TP63: variants seen among roughly 807,000 people sequenced by gnomAD.
TP63 encodes the protein tumor protein 63.
TP63 carries 17 observed loss-of-function variants against 82.8 expected under a neutral mutation model. The ratio of observed to expected loss-of-function variants is 0.21; its 90% CI spans 0.14 to 0.31. TP63 has a LOEUF of 0.31. Ranked by LOEUF, TP63 falls within the 10% of genes least tolerant of loss-of-function variation. The probability of loss-of-function intolerance (pLI) is 1.00; values close to 1 mark genes in which losing one functional copy is unlikely to be tolerated. For missense variants in TP63, 648 were observed against 895.3 expected, an observed-to-expected ratio of 0.72 and a Z score of 3.52; for synonymous variants, 330 against 321.7, an observed-to-expected ratio of 1.03 and a Z score of -0.28.
intron 3 of TP63, among the ~76,000 whole-genome samples, chr3:189,774,036 C>T (rs1019926129): frequency 6.6e-6 from 1 of 151,492 alleles, no homozygotes; most frequent in African/African-American, 2.4e-5. Flanking sequence ...CATTCTCCTG[C>T]CTCAGCCTCC....
rs750875781 is a variant in TP63 at position 189,864,451 on chromosome 3, C to T, written c.766+33C>T. ...GAATTTGAATCTCTAACTGTTCAACCTCCTTGAAGGTCAAGATTCTGTGGG... is the reference window on the plus strand; with the variant it reads ...GAATTTGAATCTCTAACTGTTCAACTTCCTTGAAGGTCAAGATTCTGTGGG... On this transcript the variant is annotated intron_variant, in intron 5 of 13. Transcript: ENST00000264731. The T allele has an allele frequency of 2.3e-5, 36 of 1,599,022 alleles. No individual in the cohort carries two copies. In the African/African-American group the frequency reaches 4.2e-4, roughly 18 times the overall value.
chr3:189,737,906 T>G (rs760693142), intron 2 of TP63, 38 bp downstream of exon 2: 1 of 1,612,732 alleles, frequency 6.2e-7, no homozygotes, highest in Non-Finnish European at 8.5e-7. Context: ...TTGCTTGAGC[T>G]AAATAGGTAA....
At chr3:189,683,391 TC>T (rs1465924237) in intron 1 of TP63, among the ~76,000 whole-genome samples, 1 of 152,224 alleles carries the variant, frequency 6.6e-6, no homozygotes, top group Non-Finnish European at 1.5e-5. Context: ...CACATGCATT[TC>T]ACTTTGCTGC....
At chr3:189,832,112 G>T (rs546099463) in intron 4 of TP63, among the ~76,000 whole-genome samples, 2 of 152,216 alleles carry the variant, frequency 1.3e-5, no homozygotes, top group Admixed American at 1.3e-4. Context: ...TTACAGGCAT[G>T]ATCCACCACG....
chr3:189,829,289 T>C (rs35828292), intron 4 of TP63, among the ~76,000 whole-genome samples: 1 of 152,234 alleles, frequency 6.6e-6, no homozygotes, highest in South Asian at 2.1e-4. Flanking sequence ...CCTGCTTTCA[T>C]GCCTTGAACA....
intron 1 of TP63, among the ~76,000 whole-genome samples, chr3:189,718,420 C>G (rs895721987): frequency 6.6e-6 from 1 of 150,620 alleles, no homozygotes; most frequent in Non-Finnish European, 1.5e-5. Flanking sequence ...GGAAGGAAGG[C>G]GTGTTTTGCA....
intron 1 of TP63, among the ~76,000 whole-genome samples, chr3:189,662,390 G>A (rs1174628227): frequency 6.6e-6 from 1 of 151,808 alleles, no homozygotes; most frequent in African/African-American, 2.4e-5. Flanking sequence ...AGATCTTCTT[G>A]GTATTGATTT....
intron 3 of TP63, among the ~76,000 whole-genome samples, chr3:189,746,715 A>C (rs1025691925): frequency 6.6e-6 from 1 of 151,636 alleles, no homozygotes; most frequent in Non-Finnish European, 1.5e-5. Context: ...TTCAATCTAA[A>C]TGGAATATAC....
chr3:189,893,290 CT>C (rs1265812044), intron 13 of TP63, among the ~76,000 whole-genome samples: 1 of 152,148 alleles, frequency 6.6e-6, no homozygotes, highest in African/African-American at 2.4e-5. Flanking sequence ...AAAGAAGAAA[CT>C]GAGGCTGGTA....
rs1234021238 is a variant in TP63 at position 189,858,262 on chromosome 3, G to A, written c.580-5970G>A. ...CTACTAAAAATACAAAAAATTAGCC[G>A]GGCGAGGTGGCGGGCGCCTGTAGTC... On this transcript the variant is annotated intron_variant, in intron 4 of 13. Transcript: ENST00000264731. 1.3e-4 allele frequency among the ~76,000 whole-genome samples: 8 copies of A among 61,176 alleles called. 3 individuals carry two copies. The highest frequency in any genetic ancestry group is 3.5e-4 in the African/African-American group (4 of 11,528). 40.1% of individuals were successfully genotyped at this position (61,176 alleles called of 152,430 possible). A position where few individuals can be genotyped will look rare whatever the true frequency, so the allele number is the denominator to read the frequency against.
At chr3:189,599,939 T>C in the TP63 span, among the ~76,000 whole-genome samples, 1 of 152,240 alleles carries the variant, frequency 6.6e-6, no homozygotes, top group Admixed American at 6.5e-5. Context: ...GCATATGCTC[T>C]GTGGGATCTT....
the TP63 span, among the ~76,000 whole-genome samples, chr3:189,622,235 C>A: frequency 1.1e-4 from 16 of 152,196 alleles, no homozygotes; most frequent in African/African-American, 3.4e-4. Flanking sequence ...TGTTATCCTG[C>A]TAACTGGACC....
upstream of TP63, chr3:189,631,179 G>C: frequency 1.0e-6 from 1 of 970,028 alleles, no homozygotes; most frequent in Non-Finnish European, 1.2e-6. Context: ...GATGCCTCCA[G>C]CTCCAAATTG....
At chr3:189,871,809 A>G (rs1718451840) in intron 9 of TP63, among the ~76,000 whole-genome samples, 2 of 151,750 alleles carry the variant, frequency 1.3e-5, no homozygotes, top group Non-Finnish European at 1.5e-5. Context: ...GCAGCCTCAG[A>G]CTCCCAGACT....
intron 3 of TP63, among the ~76,000 whole-genome samples, chr3:189,755,944 G>T (rs1228019383): frequency 6.6e-6 from 1 of 152,142 alleles, no homozygotes; most frequent in Admixed American, 6.6e-5. Flanking sequence ...GTTTTGGCTG[G>T]AGGTGAGTAA....
intron 1 of TP63, among the ~76,000 whole-genome samples, chr3:189,659,374 AAAG>A (rs1430234074): frequency 6.6e-6 from 1 of 152,046 alleles, no homozygotes; most frequent in Non-Finnish European, 1.5e-5. Flanking sequence ...GTGTTGCTGC[AAAG>A]AAGATGATTT....
At chr3:189,709,880 T>C (rs1718469692) in intron 1 of TP63, among the ~76,000 whole-genome samples, 1 of 152,178 alleles carries the variant, frequency 6.6e-6, no homozygotes, top group South Asian at 2.1e-4. Flanking sequence ...TGCTCACTTT[T>C]TCTCCATCCA....
chr3:189,669,663 A>G (rs1714722340), intron 1 of TP63, among the ~76,000 whole-genome samples: 1 of 152,088 alleles, frequency 6.6e-6, no homozygotes, highest in South Asian at 2.1e-4. Context: ...GTTTTGGAAA[A>G]TGGGCTCTGA....
intron 1 of TP63, among the ~76,000 whole-genome samples, chr3:189,669,709 G>T (rs1044844303): frequency 1.3e-4 from 20 of 151,958 alleles, no homozygotes; most frequent in African/African-American, 4.6e-4. Flanking sequence ...TGGGCTCTAG[G>T]TAGACATTAA....
Sources: allele counts gnomAD v4.1 joint callset (sites outside exome capture counted in the v4.1 genomes callset), GRCh38; gene constraint gnomAD v4.1.1; transcripts MANE v1.5; gene names NCBI Gene and HGNC (gene_info 2026-07-23, HGNC 2026-07-21).